DLGAP2: variants seen among roughly 807,000 people sequenced by gnomAD.
DLGAP2 encodes disks large-associated protein 2.
In DLGAP2, 26 loss-of-function variants were observed where a neutral mutation model predicts 100.3. The observed-to-expected ratio is 0.26, with a 90% CI of 0.19 to 0.36. DLGAP2 has a LOEUF of 0.36. DLGAP2 is among the 10% of genes least tolerant of loss of function. The probability of loss-of-function intolerance (pLI) is 1.00; values close to 1 mark genes in which losing one functional copy is unlikely to be tolerated. For synonymous variants in DLGAP2, 886 were observed against 630.1 expected, an observed-to-expected ratio of 1.41 and a Z score of -6.08; for missense variants, 1,858 against 1,453.2, an observed-to-expected ratio of 1.28 and a Z score of -4.53.
chr8:1,444,633 G>A lies in DLGAP2; in HGVS notation c.107-56733G>A, dbSNP rs554743098. Among the ~76,000 whole-genome samples the A allele has an allele frequency of 4.6e-5, 7 of 151,882 alleles. No individual in the cohort carries two copies. The South Asian group carries it at 1.5e-3, about 32-fold the overall frequency. On this transcript the variant is annotated intron_variant, in intron 3 of 14. Coordinates refer to ENST00000637795, the MANE Select transcript of DLGAP2 (RefSeq NM_001346810.2). ...TCCTTCTCCATCATCCCTCCTTCAG[G>A]GTCTTCTTTCCCCATTTCCAGGTTG...
chr8:1,694,252 G>A (rs1017497850), intron 13 of DLGAP2, among the ~76,000 whole-genome samples: 1 of 152,180 alleles, frequency 6.6e-6, no homozygotes, highest in African/African-American at 2.4e-5. Flanking sequence ...CCTGAGACAG[G>A]CCTGGCAGGA....
At chr8:1,190,908 A>C (rs1797620444) in intron 2 of DLGAP2, among the ~76,000 whole-genome samples, 1 of 152,028 alleles carries the variant, frequency 6.6e-6, no homozygotes, top group African/African-American at 2.4e-5. Context: ...GTGTTTATGC[A>C]CCATGCTTCT....
chr8:818,775 TTATAGAATCATAAAGTTAGAA>T (rs1316245683), intron 1 of DLGAP2, among the ~76,000 whole-genome samples: 1 of 152,198 alleles, frequency 6.6e-6, no homozygotes. Context: ...GTGAAAAATG[TTATAGAATCATAAAGTTAGAA>T]GAAATAGAAG....
intron 2 of DLGAP2, among the ~76,000 whole-genome samples, chr8:1,011,982 T>C (rs991216051): frequency 3.3e-5 from 5 of 152,210 alleles, no homozygotes; most frequent in Non-Finnish European, 7.4e-5. Context: ...AAATTCAGGC[T>C]GGTTGCCTGA....
At chr8:1,681,838 C>T (rs545255028) in intron 12 of DLGAP2, among the ~76,000 whole-genome samples, 24 of 152,272 alleles carry the variant, frequency 1.6e-4, no homozygotes, top group African/African-American at 3.6e-4. Context: ...AGAATAGTAG[C>T]GGTGACCCGG....
intron 3 of DLGAP2, among the ~76,000 whole-genome samples, chr8:1,374,022 G>A (rs1802322284): frequency 7.0e-6 from 1 of 142,540 alleles, no homozygotes; most frequent in Non-Finnish European, 1.5e-5. Context: ...TGAGGGGTGG[G>A]GCGTTTGCAG....
Position 1,423,498 on chromosome 8 carries a change from A to C in DLGAP2, c.107-77868A>C, listed in dbSNP as rs115434918. On this transcript the variant is annotated intron_variant, in intron 3 of 14. Coordinates refer to ENST00000637795, the MANE Select transcript of DLGAP2 (RefSeq NM_001346810.2). ...TACCGCTCCATGCACTTCTGGCACC[A>C]GCTTGTCAAGGCATCAGCGCTTTCA... 2.8e-3 allele frequency among the ~76,000 whole-genome samples: 423 copies of C among 152,354 alleles called. 1 individual carries two copies. Among genetic ancestry groups the C allele is most frequent in the African/African-American group, 9.5e-3 (396 of 41,586 alleles).
chr8:1,265,927 A>C (rs55931756), intron 3 of DLGAP2, among the ~76,000 whole-genome samples: 44,720 of 152,114 alleles, frequency 0.29, 7,483 homozygotes, highest in African/African-American at 0.45. Context: ...ATTTTTATAG[A>C]TAAAATCATT....
intron 14 of DLGAP2, 124 bp downstream of exon 14, chr8:1,697,423 T>C (rs1338985328): frequency 1.5e-6 from 2 of 1,369,678 alleles, no homozygotes; most frequent in Non-Finnish European, 2.0e-6. Flanking sequence ...CGAGCAAATT[T>C]CCCTCTATGT....
At chr8:1,697,101 C>T (rs1167808183) in intron 13 of DLGAP2, 46 bp from the exon 14 acceptor site, 2 of 1,479,760 alleles carry the variant, frequency 1.4e-6, no homozygotes, top group Non-Finnish European at 1.8e-6. Flanking sequence ...AGCCCTGTGC[C>T]CGCAGGAGAC....
At chr8:987,507 C>T (rs1327441030) in intron 2 of DLGAP2, among the ~76,000 whole-genome samples, 1 of 152,182 alleles carries the variant, frequency 6.6e-6, no homozygotes, top group Non-Finnish European at 1.5e-5. Flanking sequence ...CGGACGCCCC[C>T]ACGACCTTCC....
At chr8:868,680 G>A (rs2128991192) in intron 1 of DLGAP2, among the ~76,000 whole-genome samples, 1 of 152,338 alleles carries the variant, frequency 6.6e-6, no homozygotes, top group South Asian at 2.1e-4. Context: ...CTTGAAGAAG[G>A]TGCTGGTGTG....
chr8:1,596,810 C>T (rs1796473114), intron 6 of DLGAP2, among the ~76,000 whole-genome samples: 1 of 152,076 alleles, frequency 6.6e-6, no homozygotes, highest in African/African-American at 2.4e-5. Context: ...CAAACATTTT[C>T]TCCCATTCTG....
At chr8:812,103 G>A (rs989610914) in intron 1 of DLGAP2, among the ~76,000 whole-genome samples, 3 of 152,226 alleles carry the variant, frequency 2.0e-5, no homozygotes, top group African/African-American at 7.2e-5. Context: ...TCTGCAAGAG[G>A]GAGGGAAGGA....
chr8:908,391 G>T (rs1426166668), intron 2 of DLGAP2, among the ~76,000 whole-genome samples: 1 of 152,168 alleles, frequency 6.6e-6, no homozygotes, highest in Non-Finnish European at 1.5e-5. Context: ...ATCAGGGTGG[G>T]AATCGGCTAG....
chr8:1,540,625 C>G (rs1801329830), intron 4 of DLGAP2, among the ~76,000 whole-genome samples: 1 of 152,240 alleles, frequency 6.6e-6, no homozygotes, highest in Admixed American at 6.5e-5. Flanking sequence ...AGCTCTGCTG[C>G]CTTGCAGACC....
At chr8:1,270,932 C>T (rs117251615) in intron 3 of DLGAP2, among the ~76,000 whole-genome samples, 2 of 152,068 alleles carry the variant, frequency 1.3e-5, no homozygotes, top group Non-Finnish European at 2.9e-5. Context: ...CACCGTTGAC[C>T]TGCTACTTAG....
intron 8 of DLGAP2, among the ~76,000 whole-genome samples, chr8:1,646,308 C>T (rs1274567897): frequency 1.3e-5 from 2 of 152,104 alleles, no homozygotes; most frequent in East Asian, 1.9e-4. Flanking sequence ...CTGCAGATCT[C>T]GGAACTCGTC....
chr8:1,065,034 A>G (rs140692898), intron 2 of DLGAP2, among the ~76,000 whole-genome samples: 73 of 152,372 alleles, frequency 4.8e-4, no homozygotes, highest in Middle Eastern at 6.8e-3. Context: ...ACACCTCCAC[A>G]CAGTGGCTGA....
Sources: gnomAD v4.1 joint callset for allele counts (sites outside exome capture counted in the v4.1 genomes callset) on GRCh38, gnomAD v4.1.1 for gene constraint, MANE v1.5 for transcripts, NCBI Gene and HGNC (gene_info 2026-07-23, HGNC 2026-07-21) for gene names.